ODAD2: variants seen among roughly 807,000 people sequenced by gnomAD.
ODAD2 encodes the protein outer dynein arm docking complex subunit 2.
Under a neutral mutation model 106.8 loss-of-function variants are expected in ODAD2, and 89 were observed. The observed-to-expected ratio is 0.83, with a 90% CI of 0.70 to 0.99. The LOEUF is 0.99. ODAD2 is among the 50% of genes least tolerant of loss of function. The pLI, the probability that ODAD2 is intolerant of heterozygous loss-of-function variation, is 0.00. For missense variants in ODAD2, 1,168 were observed against 1,238.5 expected (o/e 0.94, Z 0.85); for synonymous variants, 404 against 436.2 (o/e 0.93, Z 0.92).
intron 19 of ODAD2, among the ~76,000 whole-genome samples, chr10:27,845,843 T>C (rs1838701290): frequency 6.6e-6 from 1 of 152,042 alleles, no homozygotes; most frequent in Admixed American, 6.6e-5. Flanking sequence ...TACATGATGG[T>C]AAAGGGATCA....
chr10:27,961,445 C>G (rs1848134655), intron 10 of ODAD2, 123 bp downstream of exon 10: 16 of 996,770 alleles, frequency 1.6e-5, no homozygotes, highest in Non-Finnish European at 2.4e-5. Flanking sequence ...TTAGATAAAA[C>G]AACAGGAATG....
intron 2 of ODAD2, among the ~76,000 whole-genome samples, chr10:27,991,873 T>C (rs1215655187): frequency 1.3e-5 from 2 of 152,140 alleles, no homozygotes; most frequent in African/African-American, 2.4e-5. Flanking sequence ...TTTCAATAAA[T>C]GTATAATAGT....
chr10:27,825,733 A>T (rs1405588641), intron 19 of ODAD2, among the ~76,000 whole-genome samples: 2 of 152,244 alleles, frequency 1.3e-5, no homozygotes, highest in African/African-American at 4.8e-5. Flanking sequence ...TAAGGTTATC[A>T]GAAGCTGGAG....
At chr10:27,982,444 G>T (rs1378094126) in intron 6 of ODAD2, among the ~76,000 whole-genome samples, 3 of 152,020 alleles carry the variant, frequency 2.0e-5, no homozygotes, top group African/African-American at 4.8e-5. Context: ...CCCTCCAGAA[G>T]GTCAAAGAAA....
At chr10:27,874,839 T>A (rs902080464) in intron 17 of ODAD2, among the ~76,000 whole-genome samples, 33 of 152,254 alleles carry the variant, frequency 2.2e-4, no homozygotes, top group Admixed American at 5.2e-4. Flanking sequence ...TGTCTTGGAG[T>A]TGCTCTTTTC....
At chr10:27,899,222 C>A (rs1194467646) in intron 17 of ODAD2, among the ~76,000 whole-genome samples, 1 of 151,942 alleles carries the variant, frequency 6.6e-6, no homozygotes, top group Admixed American at 6.6e-5. Context: ...TGAAATCCCT[C>A]CCCTAGCCAA....
At position 27,907,713 on chromosome 10, in the gene ODAD2, C is replaced by G; in HGVS notation, c.2560G>C (p.Val854Leu). 1 of 1,613,848 alleles carries G rather than the reference C, an allele frequency of 6.2e-7. No individual in the cohort carries two copies. The highest frequency in any genetic ancestry group is 8.5e-7 in the Non-Finnish European group (1 of 1,179,874). ...AGTGCCCATGCTGCGCTGGCCTTCA[C>G]GTCTGGGTGAGGATTTTTCAGCAGG... ...WSLLKNPHPD[V>L]KASAAWALCP... Residue 854 changes from valine (V) to leucine (L), a missense_variant, in exon 17 of 20, where the codon GTG (valine) becomes CTG (leucine). Around this residue, in one of 3 missense-constraint regions of ODAD2, gnomAD observed 701 missense variants for 712.3 expected, o/e 0.98. Transcript: ENST00000305242.
intron 17 of ODAD2, among the ~76,000 whole-genome samples, chr10:27,872,335 A>G (rs1165443432): frequency 1.3e-5 from 2 of 151,852 alleles, no homozygotes; most frequent in Non-Finnish European, 2.9e-5. Context: ...TTCCTAATTA[A>G]ATACCCTTTA....
In ODAD2 at chr10:27,860,776, A is replaced by G; in HGVS notation, c.2870T>C (p.Val957Ala). ...SRCCMWGRNR[V>A]AFGEHKAVAP... ...CACTGCTTTGTGCTCACCGAAGGCC[A>G]CTCTATTCCTGCCCCACATACAGCA... is the stretch of plus-strand genomic sequence containing the variant. The change falls in exon 19 of 20, where the codon GTG becomes GCG. Residue 957 changes from valine (V) to alanine (A), a missense_variant. This residue lies in a region of ODAD2 where 701 missense variants were observed against 712.3 expected (regional missense o/e 0.98). Coordinates refer to ENST00000305242, the MANE Select transcript of ODAD2 (RefSeq NM_018076.5). 1 of 1,614,074 alleles carries G rather than the reference A, an allele frequency of 6.2e-7. No individual in the cohort carries two copies. The highest frequency in any genetic ancestry group is 1.3e-5 in the African/African-American group (1 of 75,008).
chr10:27,934,151 C>T (rs1008897858), intron 16 of ODAD2, among the ~76,000 whole-genome samples: 6 of 152,110 alleles, frequency 3.9e-5, no homozygotes, highest in South Asian at 2.1e-4. Flanking sequence ...TCCTCCTTGC[C>T]TTCCACTATA....
intron 3 of ODAD2, among the ~76,000 whole-genome samples, chr10:27,985,929 T>C (rs1474823250): frequency 6.6e-6 from 1 of 151,896 alleles, no homozygotes; most frequent in Non-Finnish European, 1.5e-5. Context: ...TGGTTGAAAA[T>C]GAAGGAGAAA....
At chr10:27,988,589 C>G (rs11593370) in intron 2 of ODAD2, among the ~76,000 whole-genome samples, 1 of 152,024 alleles carries the variant, frequency 6.6e-6, no homozygotes, top group Non-Finnish European at 1.5e-5. Flanking sequence ...CCACACACCT[C>G]GACCTCCCAA....
chr10:27,971,347 T>C, intron 7 of ODAD2, 34 bp from the exon 8 acceptor site: 2 of 1,485,460 alleles, frequency 1.3e-6, no homozygotes, highest in Non-Finnish European at 1.8e-6. Flanking sequence ...TTTTTAATGA[T>C]ATCTGAATTA....
At position 27,987,323 on chromosome 10, in the gene ODAD2, C is replaced by G. The variant is rs866582537; in HGVS notation, c.382+63G>C. On this transcript the variant is annotated intron_variant, in intron 3 of 19. Transcript: ENST00000305242. ...CTAACAAATGATCCTCCCACCCTTT[C>G]CCCACTTTCCCAGCAAGATTGTTTC... The G allele has an allele frequency of 5.4e-6, 8 of 1,489,410 alleles. No individual in the cohort carries two copies. The South Asian group carries it at 1.0e-4, about 19-fold the overall frequency. 92.3% of individuals were successfully genotyped at this position (1,489,410 alleles called of 1,614,324 possible).
At chr10:27,902,630 C>T (rs1184667651) in intron 17 of ODAD2, among the ~76,000 whole-genome samples, 1 of 152,088 alleles carries the variant, frequency 6.6e-6, no homozygotes, top group East Asian at 1.9e-4. Flanking sequence ...CCACTGATCC[C>T]ACAGAAATAC....
At chr10:27,890,850 T>C (rs149983629) in intron 17 of ODAD2, among the ~76,000 whole-genome samples, 2 of 151,986 alleles carry the variant, frequency 1.3e-5, no homozygotes, top group East Asian at 3.9e-4. Flanking sequence ...GATGGGTGCA[T>C]ACTTAGAACT....
At chr10:27,832,389 T>C (rs572643571) in intron 19 of ODAD2, among the ~76,000 whole-genome samples, 2 of 152,298 alleles carry the variant, frequency 1.3e-5, no homozygotes, top group Non-Finnish European at 2.9e-5. Flanking sequence ...TTATTCCTAG[T>C]GCCAACCCTA....
chr10:27,901,712 A>G (rs186611278), intron 17 of ODAD2, among the ~76,000 whole-genome samples: 1 of 152,312 alleles, frequency 6.6e-6, no homozygotes, highest in Non-Finnish European at 1.5e-5. Flanking sequence ...AAAAAGACAA[A>G]AAAGGGCATT....
At chr10:27,970,799 A>G (rs1007573214) in intron 8 of ODAD2, among the ~76,000 whole-genome samples, 8 of 151,948 alleles carry the variant, frequency 5.3e-5, no homozygotes, top group Non-Finnish European at 1.0e-4. Context: ...CCCTGTCTCT[A>G]CTAAAATTAC....
Sources: gnomAD v4.1 joint callset for allele counts (sites outside exome capture counted in the v4.1 genomes callset) on GRCh38, gnomAD v4.1.1 for gene constraint, gnomAD v4.1.1 regional missense constraint, MANE v1.5 for transcripts, NCBI Gene and HGNC (gene_info 2026-07-23, HGNC 2026-07-21) for gene names.